The following CDH10 variants were observed in gnomAD, a reference collection of about 807,000 sequenced individuals.
The protein encoded by CDH10 is cadherin-10.
In CDH10, 30 loss-of-function variants were observed where a neutral mutation model predicts 73.1. That is an observed-to-expected ratio of 0.41 (90% CI 0.31 to 0.56). The LOEUF is 0.56. Ranked by LOEUF, CDH10 falls within the 20% of genes least tolerant of loss-of-function variation. CDH10 has a pLI of 0.27. For synonymous variants in CDH10, 345 were observed against 348.2 expected, an observed-to-expected ratio of 0.99 and a Z score of 0.10; for missense variants, 815 against 973.7, an observed-to-expected ratio of 0.84 and a Z score of 2.17.
intron 1 of CDH10, among the ~76,000 whole-genome samples, chr5:24,617,061 G>C (rs1747154618): frequency 6.6e-6 from 1 of 152,080 alleles, no homozygotes; most frequent in Non-Finnish European, 1.5e-5. Flanking sequence ...CCAGCCCCTT[G>C]CAGGTGCATC....
Position 24,491,773 on chromosome 5 carries a change from C to G in CDH10, c.1679G>C (p.Ser560Thr), listed in dbSNP as rs2111640964. Residue 560 changes from serine to threonine, a missense_variant, in exon 11 of 12, where the codon AGT becomes ACT. Physicochemically the swap from Ser to Thr is moderately conservative, Grantham distance 58 (BLOSUM62 1). Coordinates refer to ENST00000264463, the MANE Select transcript of CDH10 (RefSeq NM_006727.5). ...RKNGFNRHEI[S>T]TYLLPVVISD... ...TATCACCACAGGCAAGAGATAGGTA[C>G]TGATTTCATGTCTATTGAATCCATT... The G allele has an allele frequency of 6.2e-7, 1 of 1,608,006 alleles. No individual in the cohort carries two copies. The highest frequency in any genetic ancestry group is 8.5e-7 in the Non-Finnish European group (1 of 1,174,580).
intron 9 of CDH10, among the ~76,000 whole-genome samples, chr5:24,495,742 G>A (rs1742256171): frequency 6.6e-6 from 1 of 151,892 alleles, no homozygotes; most frequent in Non-Finnish European, 1.5e-5. Context: ...AGCTACTTGG[G>A]AGGCTGAGGC....
At chr5:24,498,566 AT>A in intron 8 of CDH10, 47 bp from the exon 9 acceptor site, 1 of 1,400,050 alleles carries the variant, frequency 7.1e-7, no homozygotes, top group Non-Finnish European at 1.0e-6. Context: ...AAATTGGTGC[AT>A]CAAATTTAAT....
intron 5 of CDH10, among the ~76,000 whole-genome samples, chr5:24,524,311 TC>T (rs1743447078): frequency 1.3e-5 from 2 of 152,100 alleles, no homozygotes. Flanking sequence ...TCCTACTTTG[TC>T]AAGCAAACTG....
In CDH10 at chr5:24,487,844, G is replaced by A. The variant is rs771781685; in HGVS notation, c.2186C>T (p.Pro729Leu). 9 of 1,613,896 alleles carry A rather than the reference G, an allele frequency of 5.6e-6. 1 individual carries two copies. Among genetic ancestry groups the A allele is most frequent in the East Asian group, 4.5e-5 (2 of 44,844 alleles). ...KEHDLDPTAP[P>L]YDSLATYAYE... ...GGCATAGGTTGCAAGTGAGTCGTAG[G>A]GGGGTGCGGTGGGGTCAAGATCATG... Residue 729 changes from proline (P) to leucine (L), a missense_variant, in exon 12 of 12, where the codon CCC becomes CTC. This residue lies in a region of CDH10 where 241 missense variants were observed against 240.3 expected (regional missense o/e 1.00). Transcript: ENST00000264463.
chr5:24,527,545 C>T (rs898670917), intron 5 of CDH10, among the ~76,000 whole-genome samples: 14 of 151,692 alleles, frequency 9.2e-5, no homozygotes, highest in African/African-American at 1.7e-4. Flanking sequence ...TAGATGGTAT[C>T]GCTTTCTACA....
chr5:24,576,198 A>C (rs1264516242), intron 2 of CDH10, among the ~76,000 whole-genome samples: 1 of 152,138 alleles, frequency 6.6e-6, no homozygotes, highest in Non-Finnish European at 1.5e-5. Flanking sequence ...CTATAAACCA[A>C]AATTAAATTT....
chr5:24,534,995 C>T, intron 5 of CDH10, 117 bp downstream of exon 5: 1 of 923,080 alleles, frequency 1.1e-6, no homozygotes. Flanking sequence ...ATCACATTTT[C>T]AATATGTTTT....
intron 2 of CDH10, among the ~76,000 whole-genome samples, chr5:24,578,049 C>A (rs1745665837): frequency 6.6e-6 from 1 of 152,114 alleles, no homozygotes; most frequent in South Asian, 2.1e-4. Context: ...CTGCCTCACC[C>A]CACCACAGTG....
chr5:24,587,614 A>T (rs188818381), intron 2 of CDH10, among the ~76,000 whole-genome samples: 1 of 152,136 alleles, frequency 6.6e-6, no homozygotes, highest in African/African-American at 2.4e-5. Flanking sequence ...TCATTTACCA[A>T]GATTTCTCTT....
chr5:24,503,611 T>C (rs758976421), intron 8 of CDH10, among the ~76,000 whole-genome samples: 6 of 152,178 alleles, frequency 3.9e-5, no homozygotes, highest in Admixed American at 2.0e-4. Flanking sequence ...TTTGAATCCA[T>C]CAGGTTTTAG....
chr5:24,629,572 T>C (rs1747634322), intron 1 of CDH10, among the ~76,000 whole-genome samples: 1 of 152,104 alleles, frequency 6.6e-6, no homozygotes, highest in Admixed American at 6.6e-5. Context: ...TTATCTCAAA[T>C]TGTAATCCCC....
intron 1 of CDH10, among the ~76,000 whole-genome samples, chr5:24,627,667 G>T (rs958122046): frequency 2.6e-5 from 4 of 152,040 alleles, no homozygotes; most frequent in African/African-American, 4.8e-5. Flanking sequence ...TTAACATGAG[G>T]ATGAAAGGGA....
rs1444932539 is a variant in CDH10, at chr5:24,512,013, C to G, written c.815-499G>C. On this transcript the variant is annotated intron_variant, in intron 5 of 11. Coordinates refer to ENST00000264463, the MANE Select transcript of CDH10 (RefSeq NM_006727.5). ...TGGAGGGTGGGAGGAGGGAGAGGATCAGAAAAACAATAATTACTGGGTACC... is the reference window on the plus strand; with the variant it reads ...TGGAGGGTGGGAGGAGGGAGAGGATGAGAAAAACAATAATTACTGGGTACC... 3.9e-5 allele frequency among the ~76,000 whole-genome samples: 6 copies of G among 152,086 alleles called. No homozygotes were observed. In the East Asian group the frequency reaches 1.2e-3, roughly 29 times the overall value.
chr5:24,613,475 CT>C (rs1479455381), intron 1 of CDH10, among the ~76,000 whole-genome samples: 1 of 136,954 alleles, frequency 7.3e-6, no homozygotes, highest in Non-Finnish European at 1.5e-5. Flanking sequence ...ATTGTTTTCA[CT>C]GTATTTTTCT....
intron 1 of CDH10, among the ~76,000 whole-genome samples, chr5:24,629,045 T>C (rs1747611967): frequency 6.6e-6 from 1 of 152,196 alleles, no homozygotes; most frequent in Non-Finnish European, 1.5e-5. Flanking sequence ...TTTTCTACTA[T>C]ATTCATCTCA....
At chr5:24,592,288 T>C (rs1746225334) in intron 2 of CDH10, among the ~76,000 whole-genome samples, 1 of 151,798 alleles carries the variant, frequency 6.6e-6, no homozygotes, top group Admixed American at 6.6e-5. Flanking sequence ...ATGAAGATAT[T>C]ATAGTTAAGG....
At chr5:24,504,872 C>T (rs1381646254) in intron 8 of CDH10, among the ~76,000 whole-genome samples, 1 of 151,850 alleles carries the variant, frequency 6.6e-6, no homozygotes, top group Non-Finnish European at 1.5e-5. Flanking sequence ...GCCAAAAACT[C>T]CCAAGAAGGC....
At chr5:24,565,724 AG>A (rs973839167) in intron 2 of CDH10, among the ~76,000 whole-genome samples, 10 of 151,972 alleles carry the variant, frequency 6.6e-5, no homozygotes, top group African/African-American at 2.4e-4. Context: ...ATAACAAGAC[AG>A]GGAGAACTCT....
Sources: gnomAD v4.1 joint callset for allele counts (sites outside exome capture counted in the v4.1 genomes callset) on GRCh38, gnomAD v4.1.1 for gene constraint, gnomAD v4.1.1 regional missense constraint, MANE v1.5 for transcripts, NCBI Gene and HGNC (gene_info 2026-07-23, HGNC 2026-07-21) for gene names.